The following MAGI2 variants were observed in gnomAD, a reference collection of about 807,000 sequenced individuals.
MAGI2 encodes the protein membrane associated guanylate kinase, WW and PDZ domain containing 2.
Under a neutral mutation model 133.3 loss-of-function variants are expected in MAGI2, and 35 were observed. The observed-to-expected ratio is 0.26, with a 90% confidence interval of 0.20 to 0.35. The LOEUF is 0.35. MAGI2 is among the 10% of genes least tolerant of loss of function. The pLI is 1.00. For synonymous variants in MAGI2, 729 were observed against 710.6 expected, an observed-to-expected ratio of 1.03 and a Z score of -0.41; for missense variants, 1,636 against 1,863.4, an observed-to-expected ratio of 0.88 and a Z score of 2.25.
intron 1 of MAGI2, among the ~76,000 whole-genome samples, chr7:79,331,415 A>G (rs916555371): frequency 6.6e-5 from 10 of 152,216 alleles, no homozygotes; most frequent in African/African-American, 2.4e-4. Flanking sequence ...ACATTTGTAC[A>G]TATCACATTT....
chr7:78,224,492 CCT>C, intron 10 of MAGI2, among the ~76,000 whole-genome samples: 1 of 152,026 alleles, frequency 6.6e-6, no homozygotes, highest in Non-Finnish European at 1.5e-5. Flanking sequence ...ATGGGGAAAC[CCT>C]GTCTCTGCTG....
At chr7:78,901,134 A>G (rs2151592322) in intron 2 of MAGI2, 1 of 152,364 alleles carries the variant, frequency 6.6e-6, no homozygotes, top group South Asian at 2.1e-4. Context: ...ATGAAATGTG[A>G]AAAAGACCCC....
chr7:79,123,528 G>A (rs1294785456), intron 1 of MAGI2, among the ~76,000 whole-genome samples: 1 of 152,106 alleles, frequency 6.6e-6, no homozygotes, highest in African/African-American at 2.4e-5. Context: ...CCTCATGCCT[G>A]TAATCCCAGC....
intron 3 of MAGI2, chr7:78,616,957 C>T (rs1156248): frequency 1.3e-5 from 2 of 152,068 alleles, no homozygotes; most frequent in African/African-American, 4.8e-5. Flanking sequence ...AGTTTACTTT[C>T]TAGTGAGGTA....
At chr7:78,994,570 T>C (rs1190364755) in intron 2 of MAGI2, among the ~76,000 whole-genome samples, 5 of 152,126 alleles carry the variant, frequency 3.3e-5, no homozygotes, top group African/African-American at 1.2e-4. Flanking sequence ...CTCAAAGAAC[T>C]GTCAGAGAAA....
chr7:79,387,858 T>C (rs1335129065), intron 1 of MAGI2, among the ~76,000 whole-genome samples: 6 of 152,078 alleles, frequency 3.9e-5, no homozygotes, highest in Non-Finnish European at 4.4e-5. Flanking sequence ...AAAAACAAAC[T>C]ATAGCAATAA....
rs537456236 is a variant in MAGI2, at chr7:78,081,959, G to A, written c.3568-2874C>T. On this transcript the variant is annotated intron_variant, in intron 20 of 21. Coordinates refer to ENST00000354212, the MANE Select transcript of MAGI2 (RefSeq NM_012301.4). ...TTTTAACTGTGTGTCTGGATGAGGT[G>A]CACTGAATATATTGGTGAATGAGTG... Among the ~76,000 whole-genome samples, 9 of 152,292 alleles carry A rather than the reference G, an allele frequency of 5.9e-5. No individual in the cohort carries two copies. The East Asian group carries it at 1.7e-3, about 29-fold the overall frequency.
At chr7:78,733,404 TGTA>T (rs1821554662) in intron 2 of MAGI2, among the ~76,000 whole-genome samples, 2 of 148,312 alleles carry the variant, frequency 1.3e-5, no homozygotes, top group African/African-American at 5.3e-5. Flanking sequence ...GAACAAGAGA[TGTA>T]TGTTGTTAAA....
chr7:79,004,507 G>C (rs1463822119), intron 2 of MAGI2, among the ~76,000 whole-genome samples: 13 of 152,162 alleles, frequency 8.5e-5, no homozygotes, highest in Admixed American at 8.5e-4. Flanking sequence ...TATACAGTTA[G>C]ATAAAAGATA....
intron 10 of MAGI2, among the ~76,000 whole-genome samples, chr7:78,216,106 C>A (rs1364651905): frequency 6.6e-6 from 1 of 152,204 alleles, no homozygotes; most frequent in African/African-American, 2.4e-5. Context: ...CTGAGACAGG[C>A]GTAATCTGCC....
At chr7:78,483,022 T>C (rs1792583131) in intron 6 of MAGI2, among the ~76,000 whole-genome samples, 1 of 151,230 alleles carries the variant, frequency 6.6e-6, no homozygotes, top group Non-Finnish European at 1.5e-5. Context: ...ATTGTATATA[T>C]GTACTTGTAT....
intron 2 of MAGI2, among the ~76,000 whole-genome samples, chr7:78,654,497 T>G (rs191603843): frequency 5.3e-5 from 8 of 151,648 alleles, no homozygotes; most frequent in African/African-American, 1.9e-4. Flanking sequence ...TAATATAAAT[T>G]TATAAAGTTT....
chr7:79,437,521 T>C (rs1848230668), intron 1 of MAGI2, among the ~76,000 whole-genome samples: 1 of 152,048 alleles, frequency 6.6e-6, no homozygotes, highest in Admixed American at 6.6e-5. Flanking sequence ...ATAAAATAAG[T>C]GAATAATTTT....
chr7:79,291,692 C>T (rs1836501184), intron 1 of MAGI2, among the ~76,000 whole-genome samples: 1 of 152,166 alleles, frequency 6.6e-6, no homozygotes, highest in Non-Finnish European at 1.5e-5. Context: ...TTCACATGCT[C>T]ATTGGATCTG....
chr7:78,303,203 C>A (rs1797980728), intron 9 of MAGI2, among the ~76,000 whole-genome samples: 1 of 151,890 alleles, frequency 6.6e-6, no homozygotes, highest in East Asian at 1.9e-4. Context: ...CATGGTGAAA[C>A]CCCGTCTCTA....
intron 1 of MAGI2, among the ~76,000 whole-genome samples, chr7:79,212,523 T>G (rs1829586264): frequency 6.6e-6 from 1 of 152,062 alleles, no homozygotes; most frequent in African/African-American, 2.4e-5. Flanking sequence ...TACAAAACTT[T>G]CCATTTGTTG....
intron 2 of MAGI2, among the ~76,000 whole-genome samples, chr7:78,978,895 A>G (rs1008093670): frequency 1.3e-5 from 2 of 151,818 alleles, no homozygotes; most frequent in Non-Finnish European, 2.9e-5. Flanking sequence ...CTATGAAACC[A>G]CTATACACAT....
At chr7:78,466,275 T>C (rs1790623631) in intron 6 of MAGI2, among the ~76,000 whole-genome samples, 2 of 152,210 alleles carry the variant, frequency 1.3e-5, no homozygotes, top group Non-Finnish European at 2.9e-5. Context: ...CGGAGCACAG[T>C]GAACTGTAAT....
At chr7:78,268,980 C>T (rs926872586) in intron 9 of MAGI2, among the ~76,000 whole-genome samples, 1 of 152,138 alleles carries the variant, frequency 6.6e-6, no homozygotes, top group East Asian at 1.9e-4. Flanking sequence ...GTTCCCCTCC[C>T]TATGTCCATG....
Sources: allele counts gnomAD v4.1 joint callset (sites outside exome capture counted in the v4.1 genomes callset), GRCh38; gene constraint gnomAD v4.1.1; transcripts MANE v1.5; gene names NCBI Gene and HGNC (gene_info 2026-07-23, HGNC 2026-07-21).